Variants in TMEM132C observed in about 807,000 individuals in gnomAD.
TMEM132C encodes the protein protein phosphatase 1, regulatory subunit 152.
A neutral mutation model predicts 61.4 loss-of-function variants in TMEM132C; 29 were observed. The ratio of observed to expected loss-of-function variants is 0.47; its 90% CI spans 0.35 to 0.64. TMEM132C has a LOEUF of 0.64. Among genes scored for constraint, TMEM132C ranks in the 30% least tolerant of loss-of-function variants. The pLI is 0.00. For missense variants in TMEM132C, 1,408 were observed against 1,476.9 expected, an observed-to-expected ratio of 0.95 and a Z score of 0.76; for synonymous variants, 656 against 633.1, an observed-to-expected ratio of 1.04 and a Z score of -0.54.
At chr12:128,446,214 C>T (rs1433667011) in intron 2 of TMEM132C, among the ~76,000 whole-genome samples, 2 of 152,220 alleles carry the variant, frequency 1.3e-5, no homozygotes, top group African/African-American at 4.8e-5. Context: ...GTCAAACTCA[C>T]AGGGCAGTGA....
At chr12:128,270,704 C>T (rs1260664589) in intron 1 of TMEM132C, among the ~76,000 whole-genome samples, 1 of 152,198 alleles carries the variant, frequency 6.6e-6, no homozygotes, top group African/African-American at 2.4e-5. Flanking sequence ...ACACTTAGCA[C>T]AGACACATAG....
At chr12:128,332,790 C>T (rs900229257) in intron 1 of TMEM132C, among the ~76,000 whole-genome samples, 3 of 152,216 alleles carry the variant, frequency 2.0e-5, no homozygotes, top group Non-Finnish European at 2.9e-5. Context: ...GAAAGGGAAT[C>T]GGCATGTTCC....
In TMEM132C at chr12:128,415,136, G is replaced by A. The variant is rs745749110; in HGVS notation, c.490G>A (p.Gly164Arg). 9.3e-6 allele frequency: 15 copies of A among 1,609,760 alleles called. No individual in the cohort carries two copies. The highest frequency in any genetic ancestry group is 8.0e-5 in the African/African-American group (6 of 74,748). The change falls in exon 2 of 9, where the codon GGG (glycine) becomes AGG (arginine). Residue 164 changes from glycine (G) to arginine (R), a missense_variant. By Grantham distance (125) the Gly-to-Arg change is moderately radical. Coordinates refer to ENST00000435159, the MANE Select transcript of TMEM132C (RefSeq NM_001136103.3). The surrounding 1 kb of genome is among the most constrained non-coding windows in gnomAD (Gnocchi z 5.8). ...MGRDWDDHGA[G>R]EKLPCLRVFA... ...CAGAGACTGGGATGACCACGGCGCC[G>A]GGGAGAAGCTGCCATGCCTGAGGGT...
intron 1 of TMEM132C, among the ~76,000 whole-genome samples, chr12:128,271,739 C>G (rs930169294): frequency 1.1e-4 from 17 of 152,204 alleles, no homozygotes; most frequent in African/African-American, 3.9e-4. Context: ...CTTCTTCGTT[C>G]ATCTCACTGT....
intron 2 of TMEM132C, among the ~76,000 whole-genome samples, chr12:128,508,157 C>G (rs1872441973): frequency 6.6e-6 from 1 of 152,056 alleles, no homozygotes; most frequent in Admixed American, 6.6e-5. Flanking sequence ...GCTGGGGAGG[C>G]CTCACGATCA....
intron 1 of TMEM132C, among the ~76,000 whole-genome samples, chr12:128,387,857 G>A (rs1874635509): frequency 6.6e-6 from 1 of 152,154 alleles, no homozygotes; most frequent in African/African-American, 2.4e-5. Flanking sequence ...GGAGACGTGG[G>A]TGTTTGTGCA....
chr12:128,286,231 G>A (rs139917839), intron 1 of TMEM132C, among the ~76,000 whole-genome samples: 1 of 151,112 alleles, frequency 6.6e-6, no homozygotes, highest in Non-Finnish European at 1.5e-5. Flanking sequence ...CAGTTCTCAG[G>A]AAGGTCTTTG....
intron 1 of TMEM132C, among the ~76,000 whole-genome samples, chr12:128,396,747 C>T (rs544734757): frequency 3.3e-5 from 5 of 152,256 alleles, no homozygotes; most frequent in African/African-American, 1.2e-4. Flanking sequence ...GAGCACCCAC[C>T]ATCACAGCTA....
chr12:128,695,671 C>T (rs920291027), intron 6 of TMEM132C, among the ~76,000 whole-genome samples, 159 bp from the exon 7 acceptor site: 2 of 152,198 alleles, frequency 1.3e-5, no homozygotes, highest in African/African-American at 4.8e-5. Flanking sequence ...ATGCCCATCA[C>T]TTAGTGTTGC....
At chr12:128,680,548 A>G (rs1019686542) in intron 5 of TMEM132C, among the ~76,000 whole-genome samples, 4 of 152,224 alleles carry the variant, frequency 2.6e-5, no homozygotes, top group Non-Finnish European at 1.5e-5. Context: ...CTCTAGCCAC[A>G]TCTCAGGTGC....
At chr12:128,434,209 G>C (rs900048293) in intron 2 of TMEM132C, among the ~76,000 whole-genome samples, 1 of 152,236 alleles carries the variant, frequency 6.6e-6, no homozygotes. Flanking sequence ...GGTTCTCAAA[G>C]TTGAGTGAGT....
rs1229450239 is a variant in TMEM132C, at chr12:128,326,684, T to A, written c.85+59197T>A. Among the ~76,000 whole-genome samples the A allele has an allele frequency of 6.6e-6, 1 of 152,202 alleles. No homozygotes were observed. Among genetic ancestry groups the A allele is most frequent in the African/African-American group, 2.4e-5 (1 of 41,468 alleles). ...GAAGGGAACACTGAAGCAGGATCTC[T>A]ATTAGCCTTTGTGCCCCTAAGACGG... On this transcript the variant is annotated intron_variant, in intron 1 of 8. Transcript: ENST00000435159. This position sits in a 1 kb window ranked among gnomAD's most constrained non-coding sequence, Gnocchi z 5.6.
At chr12:128,507,561 G>A (rs563947707) in intron 2 of TMEM132C, among the ~76,000 whole-genome samples, 1 of 152,184 alleles carries the variant, frequency 6.6e-6, no homozygotes, top group African/African-American at 2.4e-5. Flanking sequence ...AGTGAGAGAT[G>A]TTTGAAAAAT....
At chr12:128,371,136 G>T (rs538853490) in intron 1 of TMEM132C, among the ~76,000 whole-genome samples, 1 of 152,136 alleles carries the variant, frequency 6.6e-6, no homozygotes, top group Admixed American at 6.5e-5. Flanking sequence ...GGATTTAAAG[G>T]GAAGGGGTTT....
chr12:128,477,979 A>G (rs1210826183), intron 2 of TMEM132C, among the ~76,000 whole-genome samples: 1 of 152,224 alleles, frequency 6.6e-6, no homozygotes, highest in Non-Finnish European at 1.5e-5. Flanking sequence ...TATCCAGAGA[A>G]GAACATGATG....
intron 2 of TMEM132C, among the ~76,000 whole-genome samples, chr12:128,503,361 G>A (rs1405933582): frequency 6.6e-6 from 1 of 151,430 alleles, no homozygotes; most frequent in African/African-American, 2.4e-5. Context: ...GAGGTTTCTG[G>A]TCTTGTTGGA....
At chr12:128,589,946 C>T (rs923908692) in intron 3 of TMEM132C, among the ~76,000 whole-genome samples, 3 of 152,262 alleles carry the variant, frequency 2.0e-5, no homozygotes, top group South Asian at 2.1e-4. Flanking sequence ...GTTGTTGTTA[C>T]GTTTGAAGCA....
Position 128,415,225 on chromosome 12 carries a change from G to A in TMEM132C, c.579G>A (p.Leu193=), listed in dbSNP as rs749198943. Residue 193 remains leucine (L), a synonymous_variant, in exon 2 of 9, where the codon CTG becomes CTA. Transcript: ENST00000435159. The surrounding 1 kb of genome is among the most constrained non-coding windows in gnomAD (Gnocchi z 5.8). ...GSCRLKGDLG[L]CVAELELLSS... ...GCCGGCTGAAGGGGGACCTGGGGCT[G>A]TGTGTGGCTGAGCTGGAGCTCCTGT... The A allele has an allele frequency of 3.7e-6, 6 of 1,609,386 alleles. No individual in the cohort carries two copies. In the African/African-American group the frequency reaches 6.7e-5, roughly 18 times the overall value.
chr12:128,590,603 C>A (rs1875717874), intron 3 of TMEM132C, among the ~76,000 whole-genome samples: 1 of 152,096 alleles, frequency 6.6e-6, no homozygotes. Flanking sequence ...TCAGTCTTGG[C>A]AACTCCCTTT....
Sources: gnomAD v4.1 joint callset for allele counts (sites outside exome capture counted in the v4.1 genomes callset) on GRCh38, gnomAD v4.1.1 for gene constraint, Gnocchi (gnomAD v3.1) non-coding constraint, MANE v1.5 for transcripts, NCBI Gene and HGNC (gene_info 2026-07-23, HGNC 2026-07-21) for gene names.